The following SLC30A3 variants were observed in gnomAD, a reference collection of about 807,000 sequenced individuals.
The protein encoded by SLC30A3 is probable proton-coupled zinc antiporter SLC30A3.
In SLC30A3, 20 loss-of-function variants were observed where a neutral mutation model predicts 35.6. That is an observed-to-expected ratio of 0.56 (90% CI 0.39 to 0.82). The LOEUF (loss-of-function observed/expected upper bound fraction) is 0.82, where lower values mean the gene tolerates loss of function less well. SLC30A3 is among the 40% of genes least tolerant of loss of function. The pLI, the probability that SLC30A3 is intolerant of heterozygous loss-of-function variation, is 0.00. For synonymous variants in SLC30A3, 217 were observed against 224.7 expected, an observed-to-expected ratio of 0.97 and a Z score of 0.31; for missense variants, 401 against 530.6, an observed-to-expected ratio of 0.76 and a Z score of 2.40.
intron 1 of SLC30A3, among the ~76,000 whole-genome samples, chr2:27,272,664 G>A (rs1458484726): frequency 2.0e-5 from 3 of 151,622 alleles, no homozygotes; most frequent in Non-Finnish European, 2.9e-5. Flanking sequence ...CTGACCTCGT[G>A]ATCGACCCGC....
At position 27,257,211 on chromosome 2, in the gene SLC30A3, C is replaced by G. The variant is rs1181389381; in HGVS notation, c.720G>C (p.Leu240=). Residue 240 remains leucine, a synonymous_variant, in exon 5 of 8, where the codon CTG becomes CTC. Coordinates refer to ENST00000233535, the MANE Select transcript of SLC30A3 (RefSeq NM_003459.5). This position sits in a 1 kb window ranked among gnomAD's most constrained non-coding sequence, Gnocchi z 4.7. ...CCCCAAAGCTCTGCAGGAGGTCCCC[C>G]AGCACGTGCACAAATGCCGCCCGGA... ...TSVRAAFVHV[L]GDLLQSFGVL... 1 of 1,613,980 alleles carries G rather than the reference C, an allele frequency of 6.2e-7. No homozygotes were observed. The highest frequency in any genetic ancestry group is 2.2e-5 in the East Asian group (1 of 44,890).
chr2:27,265,099 G>C (rs1308641764), upstream of SLC30A3, among the ~76,000 whole-genome samples: 2 of 152,234 alleles, frequency 1.3e-5, no homozygotes, highest in Non-Finnish European at 2.9e-5. The surrounding 1 kb of genome is among the most constrained non-coding windows in gnomAD (Gnocchi z 5.9). Context: ...TTCTTGGCAC[G>C]GCTCAGCCGA....
At position 27,256,445 on chromosome 2, in the gene SLC30A3, T is replaced by G. The variant is rs1676856146; in HGVS notation, c.959A>C (p.Glu320Ala). ...GAGCGTAAGGGCCCACAGGTGCAGC[T>G]CATGGGTTGCCCGGACTCCTGGCAC... ...LSVPGVRATHELHLWALTLTY... is the reference protein window; with the variant it reads ...LSVPGVRATHALHLWALTLTY... Residue 320 changes from glutamate (E) to alanine (A), a missense_variant, in exon 7 of 8, where the codon GAG (glutamate) becomes GCG (alanine). Physicochemically the swap from Glu to Ala is moderately radical, Grantham distance 107. Coordinates refer to ENST00000233535, the MANE Select transcript of SLC30A3 (RefSeq NM_003459.5). 1 of 1,613,866 alleles carries G rather than the reference T, an allele frequency of 6.2e-7. No homozygotes were observed.
chr2:27,258,697 G>A lies in SLC30A3; in HGVS notation c.277+56C>T. 1 of 1,571,926 alleles carries A rather than the reference G, an allele frequency of 6.4e-7. No homozygotes were observed. The highest frequency in any genetic ancestry group is 1.1e-5 in the South Asian group (1 of 89,868). On this transcript the variant is annotated intron_variant, in intron 2 of 7. Transcript: ENST00000233535. The surrounding 1 kb of genome is among the most constrained non-coding windows in gnomAD (Gnocchi z 4.0). Reference sequence around the variant, plus strand: ...GAACATTCCTGGGACTCTGGGTGGAGAGTGGCTTGGGCAGGTATTTGGAGA... The same window carrying A: ...GAACATTCCTGGGACTCTGGGTGGAAAGTGGCTTGGGCAGGTATTTGGAGA...
chr2:27,268,613 C>T (rs1197861887), intron 1 of SLC30A3, among the ~76,000 whole-genome samples: 1 of 151,904 alleles, frequency 6.6e-6, no homozygotes, highest in Non-Finnish European at 1.5e-5. Context: ...ATTAGCCAAG[C>T]GTGGTGGCGG....
chr2:27,257,740 A>T lies in SLC30A3; in HGVS notation c.578+165T>A. On this transcript the variant is annotated intron_variant, in intron 4 of 7. Coordinates refer to ENST00000233535, the MANE Select transcript of SLC30A3 (RefSeq NM_003459.5). The surrounding 1 kb of genome is among the most constrained non-coding windows in gnomAD (Gnocchi z 4.7). ...GACAGAGATCTGCTGACTGAATTTTAGGTCTCTATCCCAGACCCTTCTCAG... is the reference window on the plus strand; with the variant it reads ...GACAGAGATCTGCTGACTGAATTTTTGGTCTCTATCCCAGACCCTTCTCAG... 1.5e-6 allele frequency: 1 copy of T among 685,804 alleles called. No homozygotes were observed. The highest frequency in any genetic ancestry group is 2.4e-6 in the Non-Finnish European group (1 of 412,752). The allele number at this position is 685,804 out of a possible 1,614,324, so 42.5% of individuals were successfully genotyped here.
chr2:27,270,362 G>C (rs534799699), intron 1 of SLC30A3, among the ~76,000 whole-genome samples: 1 of 152,242 alleles, frequency 6.6e-6, no homozygotes, highest in South Asian at 2.1e-4. Flanking sequence ...CCAGAGGGCA[G>C]CATGACGGCA....
At chr2:27,263,285 A>T, upstream of SLC30A3, 1 of 486,586 alleles carries the variant, frequency 2.1e-6, no homozygotes, top group Non-Finnish European at 4.0e-6. Context: ...CCACCTCTGC[A>T]CACAGTCCCG....
chr2:27,259,800 A>G (rs1017941025), intron 1 of SLC30A3, among the ~76,000 whole-genome samples: 8 of 152,166 alleles, frequency 5.3e-5, no homozygotes, highest in African/African-American at 1.7e-4. Flanking sequence ...CAGGATTCCT[A>G]CTGATCTCTG....
rs1392446664 is a variant in SLC30A3, at chr2:27,255,160, G to A, written c.*152C>T. Reference sequence around the variant, plus strand: ...GGTCTTGCCCACTGGGGCTGGGGCTGGGGCTGAGGCTGGGGAAACTGGCAG... The same window carrying A: ...GGTCTTGCCCACTGGGGCTGGGGCTAGGGCTGAGGCTGGGGAAACTGGCAG... On this transcript the variant is annotated 3_prime_UTR_variant, in exon 8 of 8. Coordinates refer to ENST00000233535, the MANE Select transcript of SLC30A3 (RefSeq NM_003459.5). The surrounding 1 kb of genome is among the most constrained non-coding windows in gnomAD (Gnocchi z 5.2). 4.4e-6 allele frequency: 7 copies of A among 1,581,872 alleles called. No homozygotes were observed. The East Asian group carries it at 1.6e-4, about 36-fold the overall frequency.
chr2:27,272,130 A>G (rs534078876), intron 1 of SLC30A3, among the ~76,000 whole-genome samples: 108 of 152,346 alleles, frequency 7.1e-4, no homozygotes, highest in African/African-American at 2.5e-3. Context: ...TTTACTGAAC[A>G]CAGGAAGTGT....
intron 1 of SLC30A3, among the ~76,000 whole-genome samples, chr2:27,272,725 CA>C (rs1483537179): frequency 1.3e-5 from 2 of 151,672 alleles, no homozygotes; most frequent in East Asian, 4.0e-4. Flanking sequence ...TGCGCCTGGC[CA>C]ACAGCAGCTT....
upstream of SLC30A3, chr2:27,263,993 G>T: frequency 7.8e-7 from 1 of 1,275,204 alleles, no homozygotes; most frequent in Non-Finnish European, 1.0e-6. Context: ...TAAAACCCAG[G>T]GGAGGGAGCG....
intron 1 of SLC30A3, among the ~76,000 whole-genome samples, chr2:27,268,385 T>C (rs1677584961): frequency 6.6e-6 from 1 of 152,148 alleles, no homozygotes; most frequent in African/African-American, 2.4e-5. Context: ...TGTGGAGAAA[T>C]GGTGTGACAG....
chr2:27,274,816 T>C (rs1677930878), intron 1 of SLC30A3, among the ~76,000 whole-genome samples: 2 of 152,172 alleles, frequency 1.3e-5, no homozygotes, highest in South Asian at 2.1e-4. Flanking sequence ...TATTATCAAA[T>C]AGAAACAACT....
At chr2:27,274,629 C>T (rs1452911058) in intron 1 of SLC30A3, among the ~76,000 whole-genome samples, 1 of 150,846 alleles carries the variant, frequency 6.6e-6, no homozygotes, top group Non-Finnish European at 1.5e-5. Flanking sequence ...CCTCCTTCTG[C>T]TACCTTTCCA....
Position 27,255,125 on chromosome 2 carries a change from G to A in SLC30A3, c.*187C>T, listed in dbSNP as rs187838926. On this transcript the variant is annotated 3_prime_UTR_variant, in exon 8 of 8. Coordinates refer to ENST00000233535, the MANE Select transcript of SLC30A3 (RefSeq NM_003459.5). This position sits in a 1 kb window ranked among gnomAD's most constrained non-coding sequence, Gnocchi z 5.2. Reference sequence around the variant, plus strand: ...TCCCCTGACTCCCACCCCACTCCCCGCCACACTTTGGTCTTGCCCACTGGG... The same window carrying A: ...TCCCCTGACTCCCACCCCACTCCCCACCACACTTTGGTCTTGCCCACTGGG... 16 of 1,544,946 alleles carry A rather than the reference G, an allele frequency of 1.0e-5. No homozygotes were observed. Among genetic ancestry groups the A allele is most frequent in the South Asian group, 7.1e-5 (6 of 85,000 alleles).
intron 1 of SLC30A3, among the ~76,000 whole-genome samples, chr2:27,270,790 T>G (rs1677698457): frequency 6.6e-6 from 1 of 152,054 alleles, no homozygotes; most frequent in Non-Finnish European, 1.5e-5. Context: ...CATCCTGAGA[T>G]GTCTGGCCTG....
upstream of SLC30A3, chr2:27,275,517 G>A (rs1677982694): frequency 9.1e-6 from 3 of 330,464 alleles, no homozygotes; most frequent in South Asian, 7.1e-5. Flanking sequence ...CCAAAAGGAT[G>A]AAGGGCACCC....
Sources: allele counts gnomAD v4.1 joint callset (sites outside exome capture counted in the v4.1 genomes callset), GRCh38; gene constraint gnomAD v4.1.1; non-coding constraint Gnocchi (gnomAD v3.1); transcripts MANE v1.5; gene names NCBI Gene and HGNC (gene_info 2026-07-23, HGNC 2026-07-21).